The following CYP4X1 variants were observed in gnomAD, a reference collection of about 807,000 sequenced individuals.
CYP4X1 encodes the protein cytochrome P450 4X1.
CYP4X1 carries 44 observed loss-of-function variants against 57.9 expected under a neutral mutation model. The ratio of observed to expected loss-of-function variants is 0.76; its 90% CI spans 0.60 to 0.98. The LOEUF (loss-of-function observed/expected upper bound fraction) is 0.98, where lower values mean the gene tolerates loss of function less well. CYP4X1 is among the 50% of genes least tolerant of loss of function. CYP4X1 has a pLI of 0.00. For missense variants in CYP4X1, 532 were observed against 623.9 expected (o/e 0.85, Z 1.57); for synonymous variants, 227 against 228.6 (o/e 0.99, Z 0.06).
At chr1:46,971,656 T>A in the CYP4X1 span, among the ~76,000 whole-genome samples, 1 of 152,248 alleles carries the variant, frequency 6.6e-6, no homozygotes, top group Non-Finnish European at 1.5e-5. Flanking sequence ...GGTTTTGATT[T>A]GCATTTCTCT....
At chr1:46,977,428 A>G in the CYP4X1 span, among the ~76,000 whole-genome samples, 1 of 152,130 alleles carries the variant, frequency 6.6e-6, no homozygotes, top group African/African-American at 2.4e-5. Flanking sequence ...TTTAGAGAAA[A>G]AGGAGTAAAA....
the CYP4X1 span, among the ~76,000 whole-genome samples, chr1:46,967,316 C>T: frequency 5.9e-5 from 9 of 152,292 alleles, no homozygotes; most frequent in South Asian, 1.9e-3. Context: ...TAAATTTCTG[C>T]TGTTTTAAGG....
chr1:46,977,846 C>G, the CYP4X1 span, among the ~76,000 whole-genome samples: 1 of 151,988 alleles, frequency 6.6e-6, no homozygotes, highest in Non-Finnish European at 1.5e-5. Flanking sequence ...AAAGAATTTT[C>G]AACCCAGAAT....
the CYP4X1 span, among the ~76,000 whole-genome samples, chr1:47,003,748 C>T: frequency 6.6e-6 from 1 of 152,102 alleles, no homozygotes; most frequent in Non-Finnish European, 1.5e-5. Context: ...GAAGGATCTG[C>T]CCCCATAACC....
chr1:46,985,996 G>T, the CYP4X1 span, among the ~76,000 whole-genome samples: 2 of 152,276 alleles, frequency 1.3e-5, no homozygotes, highest in East Asian at 1.9e-4. Flanking sequence ...ACCAGCAAGG[G>T]AACAAAACTG....
At chr1:47,005,148 G>A in the CYP4X1 span, among the ~76,000 whole-genome samples, 1 of 152,160 alleles carries the variant, frequency 6.6e-6, no homozygotes, top group African/African-American at 2.4e-5. Context: ...TCTCCAAAGG[G>A]GATGCACTCA....
At chr1:47,036,789 G>A (rs1644188246) in intron 6 of CYP4X1, among the ~76,000 whole-genome samples, 1 of 152,080 alleles carries the variant, frequency 6.6e-6, no homozygotes, top group African/African-American at 2.4e-5. Context: ...GATTAAAAAA[G>A]AACCTATCTC....
In CYP4X1 at chr1:47,023,921, G is replaced by A. The variant is rs759241090; in HGVS notation, c.104G>A (p.Arg35Gln). 4.3e-6 allele frequency: 7 copies of A among 1,613,528 alleles called. No individual in the cohort carries two copies. The highest frequency in any genetic ancestry group is 1.8e-4 in the Middle Eastern group (1 of 5,678). Reference protein sequence around the residue: ...GLLQAIKLYLRRQRLLRDLRP... With the variant: ...GLLQAIKLYLQRQRLLRDLRP... ...CTGCAGGCCATTAAGCTGTACCTGC[G>A]GAGGCAGCGGCTGCTGCGGGACCTG... Residue 35 changes from arginine (R) to glutamine (Q), a missense_variant, in exon 1 of 12, where the codon CGG becomes CAG. Physicochemically the swap from Arg to Gln is conservative, Grantham distance 43 (BLOSUM62 1). Transcript: ENST00000371901.
chr1:46,985,197 A>T, the CYP4X1 span, among the ~76,000 whole-genome samples: 2 of 152,166 alleles, frequency 1.3e-5, no homozygotes, highest in Non-Finnish European at 2.9e-5. Context: ...AAAAAAAGGC[A>T]GCAGCCTGTA....
At chr1:46,973,332 TA>T in the CYP4X1 span, among the ~76,000 whole-genome samples, 1 of 152,180 alleles carries the variant, frequency 6.6e-6, no homozygotes, top group Non-Finnish European at 1.5e-5. Context: ...AGTTTGCTAA[TA>T]TTTTTTTGAG....
chr1:47,034,608 C>A (rs755339393), intron 4 of CYP4X1, among the ~76,000 whole-genome samples: 5 of 152,106 alleles, frequency 3.3e-5, no homozygotes, highest in African/African-American at 1.2e-4. Flanking sequence ...GCAGTTTGAA[C>A]CCGAAGTCAG....
At chr1:47,009,623 C>T in the CYP4X1 span, among the ~76,000 whole-genome samples, 1 of 152,106 alleles carries the variant, frequency 6.6e-6, no homozygotes, top group Non-Finnish European at 1.5e-5. Flanking sequence ...AATCCCAGAG[C>T]TGGTTTTTTG....
At chr1:46,988,621 T>G in the CYP4X1 span, among the ~76,000 whole-genome samples, 4 of 152,132 alleles carry the variant, frequency 2.6e-5, no homozygotes, top group African/African-American at 9.7e-5. Flanking sequence ...GGAACATCGA[T>G]GGGAAAATCC....
At chr1:46,986,326 A>G in the CYP4X1 span, among the ~76,000 whole-genome samples, 1 of 152,190 alleles carries the variant, frequency 6.6e-6, no homozygotes, top group Non-Finnish European at 1.5e-5. Flanking sequence ...TGAAGACAAG[A>G]TTAGAGAAAA....
chr1:46,997,105 T>C, the CYP4X1 span, among the ~76,000 whole-genome samples: 2 of 152,108 alleles, frequency 1.3e-5, no homozygotes, highest in African/African-American at 4.8e-5. Context: ...ACATATCTTG[T>C]TTATGTCTAC....
At chr1:46,978,588 T>C in the CYP4X1 span, among the ~76,000 whole-genome samples, 1 of 151,904 alleles carries the variant, frequency 6.6e-6, no homozygotes, top group Non-Finnish European at 1.5e-5. Context: ...TTAACAAGGA[T>C]ATCCAGGACT....
rs771411784 is a variant in CYP4X1, at chr1:47,036,099, G to C, written c.703G>C (p.Asp235His). The C allele has an allele frequency of 7.4e-6, 12 of 1,613,598 alleles. No homozygotes were observed. The African/African-American group carries it at 1.6e-4, about 22-fold the overall frequency. Residue 235 changes from aspartate to histidine, a missense_variant, in exon 6 of 12, where the codon GAC becomes CAC. By Grantham distance (81) the Asp-to-His change is moderately conservative (BLOSUM62 -1). Coordinates refer to ENST00000371901, the MANE Select transcript of CYP4X1 (RefSeq NM_178033.2). ...HRLYSLLYHS[D>H]IIFKLSPQGY... is the part of the protein sequence containing the mutation. ...CTTGTACAGTTTGTTGTATCACAGTGACATAATTTTCAAACTCAGCCCTCA... is the reference window on the plus strand; with the variant it reads ...CTTGTACAGTTTGTTGTATCACAGTCACATAATTTTCAAACTCAGCCCTCA...
intron 8 of CYP4X1, among the ~76,000 whole-genome samples, chr1:47,043,836 A>G (rs567335089): frequency 6.6e-6 from 1 of 152,116 alleles, no homozygotes; most frequent in Middle Eastern, 3.2e-3. Flanking sequence ...CCCCTTTCTC[A>G]TTATATAATG....
chr1:47,052,528 A>G (rs1257895428), downstream of CYP4X1, among the ~76,000 whole-genome samples: 1 of 152,192 alleles, frequency 6.6e-6, no homozygotes. Flanking sequence ...GAAAGGTGCA[A>G]GAAAATGTCA....
Sources: gnomAD v4.1 joint callset for allele counts (sites outside exome capture counted in the v4.1 genomes callset) on GRCh38, gnomAD v4.1.1 for gene constraint, MANE v1.5 for transcripts, NCBI Gene and HGNC (gene_info 2026-07-23, HGNC 2026-07-21) for gene names.